The following SPOP variants were observed in gnomAD, a reference collection of about 807,000 sequenced individuals.
SPOP encodes the protein speckle type BTB/POZ protein.
SPOP carries 11 observed loss-of-function variants against 45.6 expected under a neutral mutation model. The observed-to-expected ratio is 0.24, with a 90% CI of 0.15 to 0.40. The LOEUF is 0.40. SPOP is among the 10% of genes least tolerant of loss of function. The probability of loss-of-function intolerance (pLI) is 1.00; values close to 1 mark genes in which losing one functional copy is unlikely to be tolerated. For synonymous variants in SPOP, 166 were observed against 166.3 expected, an observed-to-expected ratio of 1.00 and a Z score of 0.01; for missense variants, 152 against 465.6, an observed-to-expected ratio of 0.33 and a Z score of 6.20.
chr17:49,602,378 A>G (rs1181973658), intron 8 of SPOP: 2 of 182,658 alleles, frequency 1.1e-5, no homozygotes, highest in African/African-American at 4.7e-5. Context: ...CTTCACGTCA[A>G]CAGGGCAACT....
chr17:49,618,404 G>A (rs901668132), intron 5 of SPOP: 1 of 368,058 alleles, frequency 2.7e-6, no homozygotes, highest in African/African-American at 2.1e-5. Flanking sequence ...TAGGTCACTG[G>A]TGAGAGGACT....
intron 1 of SPOP, among the ~76,000 whole-genome samples, chr17:49,657,138 T>C (rs1317448947): frequency 6.7e-6 from 1 of 149,966 alleles, no homozygotes; most frequent in African/African-American, 2.5e-5. Flanking sequence ...TGAGCCGAGA[T>C]TGCGCCGAGA....
At chr17:49,665,645 T>TACACACACACAC (rs1357014381) in intron 1 of SPOP, among the ~76,000 whole-genome samples, 8 of 62,402 alleles carry the variant, frequency 1.3e-4, no homozygotes, top group Non-Finnish European at 2.4e-4. Context: ...TATATATATA[T>TACACACACACAC]ACAGACACAC....
chr17:49,655,818 A>AT (rs1189692998), intron 1 of SPOP, among the ~76,000 whole-genome samples: 2 of 151,748 alleles, frequency 1.3e-5, no homozygotes, highest in South Asian at 2.1e-4. Context: ...AATGAAAAAA[A>AT]TTTTTTTTTG....
At position 49,599,421 on chromosome 17, in the gene SPOP, C is replaced by G. The variant is rs529125953; in HGVS notation, c.*957G>C. The G allele has an allele frequency of 6.6e-5, 15 of 225,772 alleles. No individual in the cohort carries two copies. Among genetic ancestry groups the G allele is most frequent in the African/African-American group, 2.2e-4 (10 of 44,978 alleles). 14.0% of individuals were successfully genotyped at this position (225,772 alleles called of 1,614,324 possible). A position where few individuals can be genotyped will look rare whatever the true frequency, so the allele number is the denominator to read the frequency against. Reference sequence around the variant, plus strand: ...GGCAAGTCAGGTACAAACAGCTGAGCAATCTGGGCTGGGATTTTATCACAC... The same window carrying G: ...GGCAAGTCAGGTACAAACAGCTGAGGAATCTGGGCTGGGATTTTATCACAC... On this transcript the variant is annotated 3_prime_UTR_variant, in exon 10 of 10. Coordinates refer to ENST00000504102, the MANE Select transcript of SPOP (RefSeq NM_001007228.2).
intron 5 of SPOP, among the ~76,000 whole-genome samples, chr17:49,615,161 A>G (rs2072058277): frequency 6.6e-6 from 1 of 152,178 alleles, no homozygotes; most frequent in Non-Finnish European, 1.5e-5. Context: ...TGATTAAGCA[A>G]CTGCACTCCA....
intron 1 of SPOP, among the ~76,000 whole-genome samples, chr17:49,624,091 C>G (rs75955199): frequency 6.6e-6 from 1 of 151,884 alleles, no homozygotes; most frequent in Non-Finnish European, 1.5e-5. Context: ...CCTCCAACAG[C>G]CTTTCTAAAT....
rs113808176 is a variant in SPOP at position 49,601,918 on chromosome 17, G to A, written c.927C>T (p.Ala309=). 126 of 1,614,052 alleles carry A rather than the reference G, an allele frequency of 7.8e-5. 1 individual carries two copies. The Admixed American group carries it at 1.1e-3, about 14-fold the overall frequency. The change falls in exon 9 of 10, where the codon GCC becomes GCT. Residue 309 remains alanine, a synonymous_variant. Coordinates refer to ENST00000504102, the MANE Select transcript of SPOP (RefSeq NM_001007228.2). ...TCAACTGATCTGCACTGTGGAGGTC[G>A]GCCAGGATGAGAATTTCTGCAGCGT... ...VENAAEILIL[A]DLHSADQLKT...
chr17:49,669,332 C>T (rs1254022572), intron 1 of SPOP, among the ~76,000 whole-genome samples: 1 of 143,510 alleles, frequency 7.0e-6, no homozygotes, highest in East Asian at 2.1e-4. Flanking sequence ...CTCCCAAAGT[C>T]CTGGGATTAC....
chr17:49,607,409 C>T (rs745373741), intron 7 of SPOP, 37 bp from the exon 8 acceptor site: 2 of 1,601,234 alleles, frequency 1.2e-6, no homozygotes, highest in Non-Finnish European at 1.7e-6. Flanking sequence ...AACATTCCAA[C>T]AGAACAAAAT....
chr17:49,618,650 C>T (rs1348989830), intron 5 of SPOP: 1 of 458,984 alleles, frequency 2.2e-6, no homozygotes, highest in East Asian at 6.2e-5. Context: ...ACAACAGATA[C>T]ACATATTTAG....
chr17:49,664,007 A>C (rs1418198215), intron 1 of SPOP, among the ~76,000 whole-genome samples: 1 of 152,220 alleles, frequency 6.6e-6, no homozygotes, highest in Admixed American at 6.5e-5. Context: ...TGCTTAACTC[A>C]ATTAACAAGT....
intron 1 of SPOP, among the ~76,000 whole-genome samples, chr17:49,655,098 T>G (rs973858442): frequency 4.1e-4 from 63 of 152,328 alleles, no homozygotes; most frequent in African/African-American, 1.4e-3. Context: ...TGATAAGCTC[T>G]GAACATGGTT....
Position 49,619,917 on chromosome 17 carries a change from G to C in SPOP, c.201-532C>G, listed in dbSNP as rs1357275744. On this transcript the variant is annotated intron_variant, in intron 3 of 9. Coordinates refer to ENST00000504102, the MANE Select transcript of SPOP (RefSeq NM_001007228.2). The surrounding 1 kb of genome is among the most constrained non-coding windows in gnomAD (Gnocchi z 4.9). ...CTCACCCCTGTAATCTCAGCACTTT[G>C]GGAGGCCAAAGCGGGCGCATCACTT... Among the ~76,000 whole-genome samples the C allele has an allele frequency of 6.6e-6, 1 of 152,180 alleles. No individual in the cohort carries two copies. The highest frequency in any genetic ancestry group is 1.5e-5 in the Non-Finnish European group (1 of 68,032).
intron 8 of SPOP, 133 bp from the exon 9 acceptor site, chr17:49,602,140 A>C (rs763176009): frequency 1.0e-5 from 10 of 962,012 alleles, no homozygotes; most frequent in South Asian, 2.1e-5. Flanking sequence ...ATGAAAAGCT[A>C]CTACTGCAAT....
intron 1 of SPOP, among the ~76,000 whole-genome samples, chr17:49,666,486 CACACACA>C (rs761890238): frequency 8.9e-4 from 134 of 151,136 alleles, no homozygotes; most frequent in Middle Eastern, 3.4e-3. Context: ...CACACACACA[CACACACA>C]CCCATATAGG....
At chr17:49,645,220 T>C (rs2072732779) in intron 1 of SPOP, among the ~76,000 whole-genome samples, 1 of 152,204 alleles carries the variant, frequency 6.6e-6, no homozygotes, top group Non-Finnish European at 1.5e-5. Flanking sequence ...ATGGAAATTA[T>C]ACAGCACTGG....
At chr17:49,653,736 T>C (rs1168262346) in intron 1 of SPOP, among the ~76,000 whole-genome samples, 1 of 151,302 alleles carries the variant, frequency 6.6e-6, no homozygotes, top group Non-Finnish European at 1.5e-5. Flanking sequence ...AACCTTTCAG[T>C]AGAAGAGCCA....
chr17:49,634,610 A>G (rs565408427), intron 1 of SPOP, among the ~76,000 whole-genome samples: 1 of 152,316 alleles, frequency 6.6e-6, no homozygotes, highest in Admixed American at 6.5e-5. Context: ...AGCATGTCCA[A>G]TCTGCAAGGA....
Sources: gnomAD v4.1 joint callset for allele counts (sites outside exome capture counted in the v4.1 genomes callset) on GRCh38, gnomAD v4.1.1 for gene constraint, Gnocchi (gnomAD v3.1) non-coding constraint, MANE v1.5 for transcripts, NCBI Gene and HGNC (gene_info 2026-07-23, HGNC 2026-07-21) for gene names.